NRXN3: variants seen among roughly 807,000 people sequenced by gnomAD.
NRXN3 encodes the protein neurexin III.
A neutral mutation model predicts 137.6 loss-of-function variants in NRXN3; 32 were observed. The ratio of observed to expected loss-of-function variants is 0.23; its 90% CI spans 0.18 to 0.31. NRXN3 has a LOEUF of 0.31. Among genes scored for constraint, NRXN3 ranks in the 10% least tolerant of loss-of-function variants. NRXN3 has a pLI of 1.00. For missense variants in NRXN3, 1,574 were observed against 2,062.5 expected (o/e 0.76, Z 4.59); for synonymous variants, 798 against 784.5 (o/e 1.02, Z -0.29).
intron 15 of NRXN3, among the ~76,000 whole-genome samples, chr14:79,063,060 G>A (rs2099676193): frequency 6.6e-6 from 1 of 152,140 alleles, no homozygotes; most frequent in Non-Finnish European, 1.5e-5. Context: ...AAACGAGGAA[G>A]CCAAGTGTTG....
Position 79,387,838 on chromosome 14 carries a change from G to A in NRXN3, c.3263-79383G>A, listed in dbSNP as rs181781669. Reference sequence around the variant, plus strand: ...ATGAAGCTGGAAACCATCATTCTCAGCAAACTCTCACAAAGACAAAAACCA... The same window carrying A: ...ATGAAGCTGGAAACCATCATTCTCAACAAACTCTCACAAAGACAAAAACCA... On this transcript the variant is annotated intron_variant, in intron 15 of 20. Coordinates refer to ENST00000335750, the MANE Select transcript of NRXN3 (RefSeq NM_001330195.2). Among the ~76,000 whole-genome samples, 23 of 151,576 alleles carry A rather than the reference G, an allele frequency of 1.5e-4. 1 individual carries two copies. The highest frequency in any genetic ancestry group is 7.2e-4 in the Admixed American group (11 of 15,196).
intron 16 of NRXN3, among the ~76,000 whole-genome samples, chr14:79,572,175 C>T (rs1602290360): frequency 6.6e-6 from 1 of 152,092 alleles, no homozygotes; most frequent in South Asian, 2.1e-4. Context: ...ACCCACACTA[C>T]ACACACAAAC....
intron 15 of NRXN3, among the ~76,000 whole-genome samples, chr14:79,063,531 G>T (rs2099676860): frequency 6.6e-6 from 1 of 152,146 alleles, no homozygotes; most frequent in South Asian, 2.1e-4. Context: ...TGATGTACCT[G>T]CCTTGGCCTC....
intron 15 of NRXN3, among the ~76,000 whole-genome samples, chr14:79,412,697 C>A (rs1303002860): frequency 2.8e-5 from 4 of 142,946 alleles, no homozygotes; most frequent in African/African-American, 5.2e-5. Context: ...GCAATAGAAT[C>A]GCTTGAACCC....
At chr14:79,157,961 G>A (rs892029051) in intron 15 of NRXN3, among the ~76,000 whole-genome samples, 2 of 151,690 alleles carry the variant, frequency 1.3e-5, no homozygotes, top group Admixed American at 6.6e-5. Flanking sequence ...CTGAAATGCC[G>A]CTATGCAGTC....
intron 16 of NRXN3, among the ~76,000 whole-genome samples, chr14:79,637,129 G>A (rs2098407983): frequency 1.3e-5 from 2 of 152,074 alleles, no homozygotes; most frequent in African/African-American, 4.8e-5. Context: ...TGCGTGATTT[G>A]GGGCAAATCA....
At chr14:78,221,595 T>G (rs563248339) in intron 1 of NRXN3, among the ~76,000 whole-genome samples, 2 of 152,338 alleles carry the variant, frequency 1.3e-5, no homozygotes, top group South Asian at 4.1e-4. Context: ...TACGCAATAG[T>G]AAGCCTTGAT....
At chr14:79,670,875 T>C (rs2098603663) in intron 17 of NRXN3, among the ~76,000 whole-genome samples, 1 of 152,178 alleles carries the variant, frequency 6.6e-6, no homozygotes, top group South Asian at 2.1e-4. Flanking sequence ...AGTTTACTTA[T>C]GAAAGGTGAG....
intron 15 of NRXN3, among the ~76,000 whole-genome samples, chr14:79,244,299 G>A (rs893857604): frequency 2.0e-5 from 3 of 152,060 alleles, no homozygotes; most frequent in Non-Finnish European, 4.4e-5. Flanking sequence ...CATCTAAAAT[G>A]GGCCCAGAAG....
rs1217774804 is a variant in NRXN3 at position 78,648,879 on chromosome 14, G to A, written c.1060-2286G>A. On this transcript the variant is annotated intron_variant, in intron 5 of 20. Transcript: ENST00000335750. ...GAGGTGGAATGGGTTTGTGTTAGAGGGTGGGAAGGGAGTGGGCGGTGTCCA... is the reference window on the plus strand; with the variant it reads ...GAGGTGGAATGGGTTTGTGTTAGAGAGTGGGAAGGGAGTGGGCGGTGTCCA... 2.6e-5 allele frequency among the ~76,000 whole-genome samples: 4 copies of A among 152,268 alleles called. No individual in the cohort carries two copies. In the East Asian group the frequency reaches 7.7e-4, roughly 29 times the overall value.
chr14:78,501,710 A>G (rs946356213), intron 4 of NRXN3, among the ~76,000 whole-genome samples: 2 of 152,118 alleles, frequency 1.3e-5, no homozygotes, highest in African/African-American at 2.4e-5. Flanking sequence ...TTAAGGCACA[A>G]TGAGTTACCC....
chr14:79,713,282 C>T (rs1301516119), intron 19 of NRXN3, among the ~76,000 whole-genome samples: 8 of 139,944 alleles, frequency 5.7e-5, no homozygotes, highest in Non-Finnish European at 6.0e-5. Context: ...CCCTATAGTT[C>T]TTGCTTTTGT....
chr14:79,280,089 T>A, intron 15 of NRXN3: 1 of 1,392,494 alleles, frequency 7.2e-7, no homozygotes, highest in Non-Finnish European at 9.3e-7. Context: ...AGGGGCTTTT[T>A]GCCTTTTATC....
intron 15 of NRXN3, among the ~76,000 whole-genome samples, chr14:79,290,419 G>T: frequency 6.6e-6 from 1 of 152,168 alleles, no homozygotes; most frequent in East Asian, 1.9e-4. Context: ...AGAAGGGAAA[G>T]GAGGAGGAGA....
chr14:79,190,673 G>A (rs2064172417), intron 15 of NRXN3, among the ~76,000 whole-genome samples: 1 of 151,986 alleles, frequency 6.6e-6, no homozygotes, highest in Admixed American at 6.6e-5. Flanking sequence ...CCCATCCAGA[G>A]AATTCCTGAA....
chr14:79,131,135 A>G (rs1159509712), intron 15 of NRXN3, among the ~76,000 whole-genome samples: 1 of 152,222 alleles, frequency 6.6e-6, no homozygotes, highest in African/African-American at 2.4e-5. Context: ...TTCCTCCCGT[A>G]GCTCAGAGTA....
intron 19 of NRXN3, among the ~76,000 whole-genome samples, chr14:79,752,824 C>A (rs1448581668): frequency 4.6e-5 from 7 of 152,030 alleles, no homozygotes; most frequent in East Asian, 1.9e-4. Context: ...ACTCATCTGA[C>A]AAAGGGCTAA....
At chr14:78,421,261 CAAAAA>C in intron 4 of NRXN3, among the ~76,000 whole-genome samples, 1 of 116,082 alleles carries the variant, frequency 8.6e-6, no homozygotes, top group Non-Finnish European at 1.8e-5. Context: ...GACTCCATCT[CAAAAA>C]AAAAAAAAAG....
intron 15 of NRXN3, among the ~76,000 whole-genome samples, chr14:79,338,169 A>G (rs1233590148): frequency 6.6e-6 from 1 of 151,460 alleles, no homozygotes; most frequent in Non-Finnish European, 1.5e-5. Flanking sequence ...GAATTTACCA[A>G]GTTCTCCCAT....
Sources: gnomAD v4.1 joint callset for allele counts (sites outside exome capture counted in the v4.1 genomes callset) on GRCh38, gnomAD v4.1.1 for gene constraint, MANE v1.5 for transcripts, NCBI Gene and HGNC (gene_info 2026-07-23, HGNC 2026-07-21) for gene names.